The following TTC7A variants were observed in gnomAD, a reference collection of about 807,000 sequenced individuals.
TTC7A encodes the protein tetratricopeptide repeat domain 7A.
TTC7A carries 110 observed loss-of-function variants against 103.7 expected under a neutral mutation model. The ratio of observed to expected loss-of-function variants is 1.06; its 90% CI spans 0.91 to 1.24. The LOEUF (loss-of-function observed/expected upper bound fraction) is 1.24. Among genes scored for constraint, TTC7A ranks in the 50% most tolerant of loss-of-function variants. The pLI, the probability that TTC7A is intolerant of heterozygous loss-of-function variation, is 0.00. For missense variants in TTC7A, 1,340 were observed against 1,116.3 expected, an observed-to-expected ratio of 1.20 and a Z score of -2.86; for synonymous variants, 521 against 467.9, an observed-to-expected ratio of 1.11 and a Z score of -1.47.
chr2:47,064,392 A>G (rs1487688463), intron 19 of TTC7A, among the ~76,000 whole-genome samples: 1 of 152,228 alleles, frequency 6.6e-6, no homozygotes, highest in Non-Finnish European at 1.5e-5. Context: ...GGGTATTCAG[A>G]ACTGAATTCA....
Position 47,070,892 on chromosome 2 carries a change from C to T in TTC7A, c.2356-2810C>T, listed in dbSNP as rs55768297. Among the ~76,000 whole-genome samples, 776 of 152,322 alleles carry T rather than the reference C, an allele frequency of 5.1e-3. 4 individuals are homozygous for T. The highest frequency in any genetic ancestry group is 8.0e-3 in the Non-Finnish European group (546 of 68,004). ...CTGTGGGCTGGCAGCACAGCCATGG[C>T]ATCTCCCAAGGGACGGTCAAAAACT... On this transcript the variant is annotated intron_variant, in intron 19 of 19. Transcript: ENST00000319190.
intron 11 of TTC7A, among the ~76,000 whole-genome samples, chr2:47,018,281 G>GAA (rs35448648): frequency 2.4e-5 from 3 of 124,410 alleles, no homozygotes; most frequent in Non-Finnish European, 3.4e-5. Context: ...GTCCGTCTCA[G>GAA]AAAAAAAAAA....
chr2:47,039,642 T>G (rs1382085430), intron 15 of TTC7A, among the ~76,000 whole-genome samples: 2 of 152,244 alleles, frequency 1.3e-5, no homozygotes, highest in Non-Finnish European at 2.9e-5. Context: ...GAAGAAATTG[T>G]TTCTCTTTGC....
chr2:46,997,237 C>G (rs916817804), intron 8 of TTC7A, among the ~76,000 whole-genome samples: 5 of 152,056 alleles, frequency 3.3e-5, no homozygotes, highest in African/African-American at 1.2e-4. Flanking sequence ...CCTCAGCCTC[C>G]CAAAGTGCTG....
chr2:47,038,255 T>C (rs1681344245), intron 15 of TTC7A, among the ~76,000 whole-genome samples: 1 of 109,302 alleles, frequency 9.1e-6, no homozygotes, highest in African/African-American at 4.6e-5. Flanking sequence ...CGAGACTCCA[T>C]CTCAAAAAAA....
At chr2:47,055,968 T>A (rs910490691) in intron 18 of TTC7A, among the ~76,000 whole-genome samples, 1 of 152,162 alleles carries the variant, frequency 6.6e-6, no homozygotes, top group Admixed American at 6.5e-5. Flanking sequence ...TTCAGTGCCT[T>A]CTTCCCACGT....
intron 3 of TTC7A, among the ~76,000 whole-genome samples, chr2:46,973,918 A>G (rs894307034): frequency 6.6e-5 from 10 of 152,170 alleles, no homozygotes; most frequent in African/African-American, 2.4e-4. Context: ...TCCCCAAAAC[A>G]AGAACGTTTT....
chr2:46,958,428 C>T (rs1016177757), intron 3 of TTC7A: 26 of 1,241,188 alleles, frequency 2.1e-5, no homozygotes, highest in South Asian at 1.5e-4. Flanking sequence ...GCTTCCTTTC[C>T]GGGACTTTCT....
chr2:46,981,922 G>T (rs1674506448), intron 5 of TTC7A, among the ~76,000 whole-genome samples: 1 of 152,208 alleles, frequency 6.6e-6, no homozygotes, highest in Admixed American at 6.5e-5. Context: ...TGTGATGACT[G>T]CAACAGGCAG....
intron 4 of TTC7A, among the ~76,000 whole-genome samples, chr2:46,978,479 C>T (rs1222274504): frequency 6.6e-6 from 1 of 150,420 alleles, no homozygotes; most frequent in Non-Finnish European, 1.5e-5. Flanking sequence ...GTAATCCCAC[C>T]ACTTTGGGAG....
Position 47,016,584 on chromosome 2 carries a change from G to T in TTC7A, c.1392+5149G>T, listed in dbSNP as rs143170091. ...TAGATAAACAAGGCATTCAAGAGCA[G>T]TGTATCACTGGGAGAAGGAAGGTTG... On this transcript the variant is annotated intron_variant, in intron 11 of 19. Transcript: ENST00000319190. Among the ~76,000 whole-genome samples the T allele has an allele frequency of 8.1e-3, 1,233 of 152,334 alleles. 13 individuals carry two copies. The highest frequency in any genetic ancestry group is 0.028 in the African/African-American group (1,176 of 41,572).
chr2:47,013,233 C>T (rs1036125525), intron 11 of TTC7A, among the ~76,000 whole-genome samples: 2 of 152,200 alleles, frequency 1.3e-5, no homozygotes, highest in African/African-American at 4.8e-5. Context: ...TGCATCACAG[C>T]TTGCTTTCCC....
At chr2:47,065,244 G>A (rs758322447) in intron 19 of TTC7A, among the ~76,000 whole-genome samples, 9 of 152,284 alleles carry the variant, frequency 5.9e-5, no homozygotes, top group African/African-American at 1.4e-4. Context: ...CCAAGATCAC[G>A]CCACTGCACT....
At chr2:46,998,118 G>A (rs956708437) in intron 8 of TTC7A, among the ~76,000 whole-genome samples, 1 of 152,112 alleles carries the variant, frequency 6.6e-6, no homozygotes, top group African/African-American at 2.4e-5. Context: ...TGTGGCATAG[G>A]AAACAGAGGC....
chr2:47,014,318 G>T (rs1250005716), intron 11 of TTC7A, among the ~76,000 whole-genome samples: 1 of 152,166 alleles, frequency 6.6e-6, no homozygotes, highest in Non-Finnish European at 1.5e-5. Flanking sequence ...ACCAGATGAG[G>T]GATCTGTATT....
chr2:46,977,921 A>G (rs1283367116), intron 4 of TTC7A, among the ~76,000 whole-genome samples: 2 of 152,196 alleles, frequency 1.3e-5, no homozygotes, highest in African/African-American at 4.8e-5. Context: ...TTCCTCATCT[A>G]TAAAATGCAA....
intron 2 of TTC7A, among the ~76,000 whole-genome samples, chr2:46,926,969 A>G (rs1368866221): frequency 6.8e-6 from 1 of 146,652 alleles, no homozygotes; most frequent in Non-Finnish European, 1.5e-5. Context: ...ACAGAAAAAT[A>G]TAACGGATAG....
Position 47,051,822 on chromosome 2 carries a change from C to G in TTC7A, c.2094C>G (p.Val698=). ...AMSELTMPSS[V]LKQGPMQLWT... ...CAGAGCTGACTATGCCCTCTTCGGT[C>G]CTGAAGCAGGGCCCCATGCAGCTGT... The change falls in exon 18 of 20, where the codon GTC becomes GTG. Residue 698 remains valine, a synonymous_variant. Transcript: ENST00000319190. The G allele has an allele frequency of 6.2e-7, 1 of 1,612,230 alleles. No homozygotes were observed. Among genetic ancestry groups the G allele is most frequent in the African/African-American group, 1.3e-5 (1 of 75,004 alleles).
rs796197879 is a variant in TTC7A, at chr2:47,043,855, G to A, written c.1803-2460G>A. On this transcript the variant is annotated intron_variant, in intron 15 of 19. Coordinates refer to ENST00000319190, the MANE Select transcript of TTC7A (RefSeq NM_020458.4). ...TGCCTTTGGTAGAACTTACTGTGAT[G>A]CCAGCTCAGTTTTCATCCACTTCTT... 3.9e-5 allele frequency among the ~76,000 whole-genome samples: 6 copies of A among 152,208 alleles called. No homozygotes were observed. The South Asian group carries it at 1.0e-3, about 26-fold the overall frequency.
Sources: allele counts gnomAD v4.1 joint callset (sites outside exome capture counted in the v4.1 genomes callset), GRCh38; gene constraint gnomAD v4.1.1; transcripts MANE v1.5; gene names NCBI Gene and HGNC (gene_info 2026-07-23, HGNC 2026-07-21).